The following CAMTA1 variants were observed in gnomAD, a reference collection of about 807,000 sequenced individuals.
CAMTA1 encodes calmodulin-binding transcription activator 1.
Under a neutral mutation model 170.9 loss-of-function variants are expected in CAMTA1, and 27 were observed. The ratio of observed to expected loss-of-function variants is 0.16; its 90% CI spans 0.12 to 0.22. The LOEUF is 0.22. Among genes scored for constraint, CAMTA1 ranks in the 10% least tolerant of loss-of-function variants. CAMTA1 has a pLI of 1.00. For missense variants in CAMTA1, 1,619 were observed against 2,217.2 expected, an observed-to-expected ratio of 0.73 and a Z score of 5.42; for synonymous variants, 833 against 891.5, an observed-to-expected ratio of 0.93 and a Z score of 1.17.
chr1:7,439,863 G>A (rs115312923), intron 5 of CAMTA1, among the ~76,000 whole-genome samples: 1,920 of 152,338 alleles, frequency 0.013, 22 homozygotes, highest in Middle Eastern at 0.031. Flanking sequence ...GCGGAGTGTC[G>A]GAGTCACGTG....
chr1:7,163,185 T>G (rs1356748882), intron 4 of CAMTA1, among the ~76,000 whole-genome samples: 1 of 151,590 alleles, frequency 6.6e-6, no homozygotes, highest in African/African-American at 2.4e-5. Flanking sequence ...GTGATAGTCC[T>G]GGTGCCAAAG....
At chr1:7,087,001 G>A (rs1472468059) in intron 3 of CAMTA1, among the ~76,000 whole-genome samples, 1 of 152,234 alleles carries the variant, frequency 6.6e-6, no homozygotes, top group Non-Finnish European at 1.5e-5. Flanking sequence ...GAAGGAACAT[G>A]CACGCCCGGA....
At chr1:7,637,833 C>T (rs1288820931) in intron 6 of CAMTA1, among the ~76,000 whole-genome samples, 4 of 152,202 alleles carry the variant, frequency 2.6e-5, no homozygotes, top group Non-Finnish European at 4.4e-5. Context: ...GCAGGGGCAC[C>T]GAATAAGATA....
intron 7 of CAMTA1, among the ~76,000 whole-genome samples, chr1:7,660,996 G>A (rs1223852875): frequency 6.6e-6 from 1 of 152,218 alleles, no homozygotes; most frequent in Non-Finnish European, 1.5e-5. Context: ...CAGGCAGGTG[G>A]GGAAACCCCA....
intron 4 of CAMTA1, among the ~76,000 whole-genome samples, chr1:7,171,517 A>G (rs1649596755): frequency 6.6e-6 from 1 of 152,146 alleles, no homozygotes; most frequent in Non-Finnish European, 1.5e-5. Context: ...TATTTATTGG[A>G]CTGAAATAGT....
chr1:7,523,667 A>G (rs1178025157), intron 6 of CAMTA1, among the ~76,000 whole-genome samples: 2 of 151,410 alleles, frequency 1.3e-5, no homozygotes, highest in Admixed American at 6.6e-5. Flanking sequence ...TCACAAGCTC[A>G]GGAGATCAAG....
Position 7,562,717 on chromosome 1 carries a change from G to A in CAMTA1, c.511-77683G>A, listed in dbSNP as rs922328677. 6.6e-6 allele frequency among the ~76,000 whole-genome samples: 1 copy of A among 152,242 alleles called. No individual in the cohort carries two copies. The highest frequency in any genetic ancestry group is 2.4e-5 in the African/African-American group (1 of 41,460). ...AGCTGGCACGGAGATGCTGGGAGAAGGGTCTGATATTTCCCGCATCTGCCG... is the reference window on the plus strand; with the variant it reads ...AGCTGGCACGGAGATGCTGGGAGAAAGGTCTGATATTTCCCGCATCTGCCG... On this transcript the variant is annotated intron_variant, in intron 6 of 22. Transcript: ENST00000303635. The surrounding 1 kb of genome is among the most constrained non-coding windows in gnomAD (Gnocchi z 4.8).
chr1:7,584,368 A>G lies in CAMTA1; in HGVS notation c.511-56032A>G, dbSNP rs1402515395. Among the ~76,000 whole-genome samples the G allele has an allele frequency of 2.6e-5, 4 of 152,176 alleles. No homozygotes were observed. The East Asian group carries it at 7.9e-4, about 30-fold the overall frequency. On this transcript the variant is annotated intron_variant, in intron 6 of 22. Coordinates refer to ENST00000303635, the MANE Select transcript of CAMTA1 (RefSeq NM_015215.4). ...CTTCCGGCTGAACTGTCTCGCTCGG[A>G]TTAGGCCTGCAGGCAGGCCAGGAGG...
intron 3 of CAMTA1, among the ~76,000 whole-genome samples, chr1:6,923,696 G>A (rs1682499305): frequency 6.6e-6 from 1 of 152,092 alleles, no homozygotes; most frequent in African/African-American, 2.4e-5. Flanking sequence ...GAAGCGGGGA[G>A]TCCATGTGAG....
intron 5 of CAMTA1, among the ~76,000 whole-genome samples, chr1:7,350,949 G>A (rs2084623290): frequency 6.6e-6 from 1 of 152,250 alleles, no homozygotes; most frequent in African/African-American, 2.4e-5. Flanking sequence ...CGTGGCCCAA[G>A]CTTCCAGGGC....
At chr1:7,277,951 C>T (rs184711096) in intron 5 of CAMTA1, among the ~76,000 whole-genome samples, 7 of 152,288 alleles carry the variant, frequency 4.6e-5, no homozygotes, top group African/African-American at 1.7e-4. Flanking sequence ...TTAGAAATCA[C>T]ACCGTGAGAA....
At chr1:7,629,584 C>T (rs1015385378) in intron 6 of CAMTA1, among the ~76,000 whole-genome samples, 11 of 152,208 alleles carry the variant, frequency 7.2e-5, no homozygotes, top group Admixed American at 1.3e-4. Context: ...AAGCAACTTT[C>T]ACCTCTTCTC....
At chr1:7,621,208 G>A (rs866636642) in intron 6 of CAMTA1, among the ~76,000 whole-genome samples, 1 of 152,254 alleles carries the variant, frequency 6.6e-6, no homozygotes, top group Admixed American at 6.5e-5. Context: ...GGCAACTAGA[G>A]GGAGGCTGCC....
intron 3 of CAMTA1, among the ~76,000 whole-genome samples, chr1:6,881,831 G>T (rs1388680902): frequency 6.6e-6 from 1 of 152,186 alleles, no homozygotes; most frequent in Non-Finnish European, 1.5e-5. Flanking sequence ...ACTGGGCATG[G>T]TGGCGGTTGC....
chr1:7,380,583 G>T (rs2087217598), intron 5 of CAMTA1, among the ~76,000 whole-genome samples: 2 of 152,078 alleles, frequency 1.3e-5, no homozygotes, highest in Admixed American at 6.6e-5. Context: ...TCAAAAAAAA[G>T]AAAAGAAAAG....
intron 5 of CAMTA1, among the ~76,000 whole-genome samples, chr1:7,402,172 A>G (rs1557657154): frequency 6.6e-6 from 1 of 152,182 alleles, no homozygotes; most frequent in Non-Finnish European, 1.5e-5. Context: ...GTTATTGTCA[A>G]TTACATGTTG....
At chr1:7,515,880 G>T (rs2094278366) in intron 6 of CAMTA1, among the ~76,000 whole-genome samples, 1 of 152,226 alleles carries the variant, frequency 6.6e-6, no homozygotes, top group Non-Finnish European at 1.5e-5. Flanking sequence ...GGCACGGTTT[G>T]TCTGATTTCA....
rs11120983 is a variant in CAMTA1 at position 7,587,498 on chromosome 1, T to C, written c.511-52902T>C. 5.3e-3 allele frequency among the ~76,000 whole-genome samples: 808 copies of C among 152,204 alleles called. 19 individuals are homozygous for C. Among genetic ancestry groups the C allele is most frequent in the African/African-American group, 0.018 (748 of 41,456 alleles). On this transcript the variant is annotated intron_variant, in intron 6 of 22. Transcript: ENST00000303635. ...CTTTCAGAGTTATTTAAGAGGTTCT[T>C]CCCTTTTTTCCCATTTTGATGATAT... is the stretch of plus-strand genomic sequence containing the variant.
chr1:7,409,383 C>T (rs1008541957), intron 5 of CAMTA1, among the ~76,000 whole-genome samples: 1 of 152,256 alleles, frequency 6.6e-6, no homozygotes, highest in Non-Finnish European at 1.5e-5. Context: ...CAGGGGAGGC[C>T]TTCCATCCTG....
Sources: gnomAD v4.1 joint callset for allele counts (sites outside exome capture counted in the v4.1 genomes callset) on GRCh38, gnomAD v4.1.1 for gene constraint, Gnocchi (gnomAD v3.1) non-coding constraint, MANE v1.5 for transcripts, NCBI Gene and HGNC (gene_info 2026-07-23, HGNC 2026-07-21) for gene names.